Variants in CLVS1 observed in about 807,000 individuals in gnomAD.
CLVS1 encodes clavesin-1.
A neutral mutation model predicts 33.1 loss-of-function variants in CLVS1; 10 were observed. The observed-to-expected ratio is 0.30, with a 90% confidence interval of 0.19 to 0.51. The LOEUF is 0.51. Among genes scored for constraint, CLVS1 ranks in the 20% least tolerant of loss-of-function variants. CLVS1 has a pLI of 0.97. For synonymous variants in CLVS1, 163 were observed against 166.1 expected, an observed-to-expected ratio of 0.98 and a Z score of 0.14; for missense variants, 343 against 433.4, an observed-to-expected ratio of 0.79 and a Z score of 1.85.
At chr8:60,977,737 G>A in the CLVS1 span, among the ~76,000 whole-genome samples, 1 of 152,044 alleles carries the variant, frequency 6.6e-6, no homozygotes, top group Non-Finnish European at 1.5e-5. Flanking sequence ...GTAGAAGAAA[G>A]AAATATTTGA....
chr8:61,047,099 C>T, the CLVS1 span, among the ~76,000 whole-genome samples: 2 of 152,032 alleles, frequency 1.3e-5, no homozygotes, highest in African/African-American at 4.8e-5. Flanking sequence ...CAGTTTTTGA[C>T]AAATTTACAA....
chr8:61,328,687 T>C (rs912463634), intron 2 of CLVS1, among the ~76,000 whole-genome samples: 2 of 152,212 alleles, frequency 1.3e-5, no homozygotes, highest in Non-Finnish European at 2.9e-5. Context: ...TCATTTCTTC[T>C]CTGCCTTAGA....
At chr8:61,300,377 C>A in intron 2 of CLVS1, 95 bp downstream of exon 2, 2 of 1,105,006 alleles carry the variant, frequency 1.8e-6, no homozygotes, top group Non-Finnish European at 1.3e-6. Context: ...AATGGGCTTT[C>A]ATTAAAAAAT....
chr8:61,307,286 TG>T (rs1442662463), intron 2 of CLVS1, among the ~76,000 whole-genome samples: 1 of 152,116 alleles, frequency 6.6e-6, no homozygotes. Flanking sequence ...GAAAACTAGA[TG>T]AAAAATTGGT....
intron 1 of CLVS1, among the ~76,000 whole-genome samples, chr8:61,297,869 A>G (rs1432175236): frequency 6.6e-6 from 1 of 152,192 alleles, no homozygotes; most frequent in Non-Finnish European, 1.5e-5. Flanking sequence ...ATCAACATCA[A>G]ATATTGAGAA....
chr8:61,443,110 G>A (rs747258152), intron 3 of CLVS1, among the ~76,000 whole-genome samples: 4 of 152,118 alleles, frequency 2.6e-5, no homozygotes, highest in Non-Finnish European at 4.4e-5. Flanking sequence ...ATATTTGAGA[G>A]CTTATTATAT....
chr8:61,445,344 G>A (rs1367462851), intron 3 of CLVS1, among the ~76,000 whole-genome samples: 1 of 152,194 alleles, frequency 6.6e-6, no homozygotes, highest in East Asian at 1.9e-4. Context: ...GCAGAGCCTA[G>A]TGGGTCATGG....
At chr8:61,331,804 TCTC>T (rs1182877348) in intron 2 of CLVS1, among the ~76,000 whole-genome samples, 36 of 148,930 alleles carry the variant, frequency 2.4e-4, no homozygotes, top group Middle Eastern at 6.9e-3. Flanking sequence ...TTCTTCTTCT[TCTC>T]CTCCTCCTCC....
intron 1 of CLVS1, among the ~76,000 whole-genome samples, chr8:61,058,339 A>C (rs1804517500): frequency 1.3e-5 from 2 of 152,342 alleles, no homozygotes; most frequent in South Asian, 4.1e-4. Flanking sequence ...CAGGAGCCAG[A>C]AGCTGGGGCT....
chr8:61,108,731 A>G (rs1251847376), intron 1 of CLVS1, among the ~76,000 whole-genome samples: 3 of 152,236 alleles, frequency 2.0e-5, no homozygotes, highest in East Asian at 1.9e-4. Context: ...TTTCACTCAT[A>G]TTTATATCCC....
At chr8:61,402,268 G>A (rs1814799758) in intron 3 of CLVS1, among the ~76,000 whole-genome samples, 1 of 151,936 alleles carries the variant, frequency 6.6e-6, no homozygotes. Context: ...CAAATTAAAA[G>A]GCATGTCAAG....
chr8:61,187,505 T>G (rs1484482522), intron 2 of CLVS1, among the ~76,000 whole-genome samples: 1 of 152,142 alleles, frequency 6.6e-6, no homozygotes, highest in Non-Finnish European at 1.5e-5. Flanking sequence ...GACATTGTGA[T>G]GTATATGGTA....
At chr8:61,447,547 TGTA>T (rs999069227) in intron 3 of CLVS1, among the ~76,000 whole-genome samples, 4 of 151,968 alleles carry the variant, frequency 2.6e-5, no homozygotes, top group Non-Finnish European at 4.4e-5. Context: ...TATCTTTTCA[TGTA>T]GTTTTTTTAG....
the CLVS1 span, among the ~76,000 whole-genome samples, chr8:60,980,581 T>G: frequency 6.6e-6 from 1 of 152,164 alleles, no homozygotes; most frequent in African/African-American, 2.4e-5. Flanking sequence ...AGGTCAGGAT[T>G]TTGAGACCAG....
At chr8:61,335,396 G>C (rs1055376249) in intron 2 of CLVS1, among the ~76,000 whole-genome samples, 1 of 152,228 alleles carries the variant, frequency 6.6e-6, no homozygotes, top group East Asian at 1.9e-4. Flanking sequence ...ACAGCTTGGA[G>C]GTTAGAAGCA....
chr8:61,077,208 G>A (rs1288431973), intron 1 of CLVS1, among the ~76,000 whole-genome samples: 21 of 151,586 alleles, frequency 1.4e-4, no homozygotes, highest in Non-Finnish European at 4.4e-5. Context: ...CGAGTAGCTG[G>A]GACTACAGGC....
chr8:60,972,420 TAA>T, the CLVS1 span, among the ~76,000 whole-genome samples: 1 of 152,152 alleles, frequency 6.6e-6, no homozygotes, highest in Non-Finnish European at 1.5e-5. Flanking sequence ...TTAAAATTAA[TAA>T]GTTTATTAAT....
chr8:61,136,798 C>G (rs1399703377), intron 2 of CLVS1, among the ~76,000 whole-genome samples: 1 of 152,158 alleles, frequency 6.6e-6, no homozygotes, highest in Admixed American at 6.5e-5. Flanking sequence ...CACAAGCTTA[C>G]CTATGTAACA....
At chr8:61,094,449 A>G (rs1375773301) in intron 1 of CLVS1, among the ~76,000 whole-genome samples, 1 of 152,046 alleles carries the variant, frequency 6.6e-6, no homozygotes, top group Non-Finnish European at 1.5e-5. Context: ...TCCTTAGAAA[A>G]ACTCCAAGGC....
Sources: gnomAD v4.1 joint callset for allele counts (sites outside exome capture counted in the v4.1 genomes callset) on GRCh38, gnomAD v4.1.1 for gene constraint, MANE v1.5 for transcripts, NCBI Gene and HGNC (gene_info 2026-07-23, HGNC 2026-07-21) for gene names.